The following CPAMD8 variants were observed in gnomAD, a reference collection of about 807,000 sequenced individuals.
CPAMD8 encodes the protein C3 and PZP like alpha-2-macroglobulin domain containing 8.
Under a neutral mutation model 224.7 loss-of-function variants are expected in CPAMD8, and 146 were observed. That is an observed-to-expected ratio of 0.65 (90% CI 0.57 to 0.75). CPAMD8 has a LOEUF of 0.75. Ranked by LOEUF, CPAMD8 falls within the 30% of genes least tolerant of loss-of-function variation. The pLI is 0.00. For missense variants in CPAMD8, 2,301 were observed against 2,537.5 expected (o/e 0.91, Z 2.00); for synonymous variants, 966 against 1,044.6 (o/e 0.92, Z 1.45).
rs767903481 is a variant in CPAMD8, at chr19:16,947,169, C to T, written c.2567G>A (p.Arg856His). The change falls in exon 21 of 42, where the codon CGC (arginine) becomes CAC (histidine). Residue 856 changes from arginine to histidine, a missense_variant. This residue lies in a region of CPAMD8 where 1,709 missense variants were observed against 1,753.2 expected (regional missense o/e 0.97). Coordinates refer to ENST00000443236, the MANE Select transcript of CPAMD8 (RefSeq NM_015692.5). ...GIQFVGHPGK[R>H]HVTKKMCVAP... ...CACACACATCTTCTTGGTCACATGG[C>T]GTTTGCCAGGATGCCCAACAAACTG... The T allele has an allele frequency of 1.9e-5, 30 of 1,613,782 alleles. No individual in the cohort carries two copies. The highest frequency in any genetic ancestry group is 1.6e-4 in the Middle Eastern group (1 of 6,080).
rs757842975 is a variant in CPAMD8, at chr19:16,947,162, C to G, written c.2574G>C (p.Val858=). 6.2e-7 allele frequency: 1 copy of G among 1,613,904 alleles called. No individual in the cohort carries two copies. The highest frequency in any genetic ancestry group is 8.5e-7 in the Non-Finnish European group (1 of 1,179,862). ...QFVGHPGKRH[V]TKKMCVAPGE... is the part of the protein sequence containing the mutation. ...CGGGGGCCACACACATCTTCTTGGTCACATGGCGTTTGCCAGGATGCCCAA... is the reference window on the plus strand; with the variant it reads ...CGGGGGCCACACACATCTTCTTGGTGACATGGCGTTTGCCAGGATGCCCAA... Residue 858 remains valine, a synonymous_variant, in exon 21 of 42, where the codon GTG becomes GTC. Transcript: ENST00000443236.
At chr19:16,932,706 A>G (rs936201113) in intron 23 of CPAMD8, among the ~76,000 whole-genome samples, 1 of 152,222 alleles carries the variant, frequency 6.6e-6, no homozygotes, top group Non-Finnish European at 1.5e-5. Flanking sequence ...GACACTATAA[A>G]GTAACCAAAT....
intron 29 of CPAMD8, among the ~76,000 whole-genome samples, chr19:16,912,913 C>T (rs2052783819): frequency 6.6e-6 from 1 of 152,134 alleles, no homozygotes; most frequent in South Asian, 2.1e-4. Flanking sequence ...CTCAGTGGAA[C>T]ACAGGAAACT....
At chr19:17,025,675 C>A (rs1299563353) in intron 1 of CPAMD8, among the ~76,000 whole-genome samples, 2 of 152,098 alleles carry the variant, frequency 1.3e-5, no homozygotes, top group Admixed American at 1.3e-4. Flanking sequence ...GACAAAAATC[C>A]CCCCCAGGGC....
At position 16,914,436 on chromosome 19, in the gene CPAMD8, G is replaced by T; in HGVS notation, c.3849C>A (p.Gly1283=). ...CTTCTGTACTCACCTCTGAGGCTGT[G>T]CCTGTTTCCAGGAGAGCAACCACCA... ...AYVVVALLET[G]TASEEERGST... The change falls in exon 29 of 42, where the codon GGC becomes GGA. Residue 1283 remains glycine (G), a synonymous_variant. Transcript: ENST00000443236. 1 of 1,614,146 alleles carries T rather than the reference G, an allele frequency of 6.2e-7. No individual in the cohort carries two copies. Among genetic ancestry groups the T allele is most frequent in the East Asian group, 2.2e-5 (1 of 44,876 alleles).
Position 16,947,078 on chromosome 19 carries a change from G to A in CPAMD8, c.2658C>T (p.Ile886=), listed in dbSNP as rs200366435. The change falls in exon 21 of 42, where the codon ATC becomes ATT. Residue 886 remains isoleucine, a synonymous_variant. Transcript: ENST00000443236. ...LSFSDLGLNN[I]TAKALAYGDT... is the part of the protein sequence containing the mutation. ...CAAGAACTGTGGGGTCCTCACCCGT[G>A]ATGTTGTTGAGTCCCAGGTCGCTGA... 6.9e-5 allele frequency: 111 copies of A among 1,606,670 alleles called. 1 individual carries two copies. Among genetic ancestry groups the A allele is most frequent in the Middle Eastern group, 5.0e-4 (3 of 6,020 alleles).
chr19:17,022,200 G>A lies in CPAMD8; in HGVS notation c.93-19C>T, dbSNP rs200374657. 43 of 1,605,504 alleles carry A rather than the reference G, an allele frequency of 2.7e-5. No homozygotes were observed. Among genetic ancestry groups the A allele is most frequent in the African/African-American group, 9.4e-5 (7 of 74,710 alleles). On this transcript the variant is annotated intron_variant, in intron 1 of 41. Transcript: ENST00000443236. ...GTAACCCCTGCAGGAAAGGAGATCC[G>A]AGGTGAAGTTCTCACCCCAGACCCC...
chr19:16,896,119 G>C, intron 41 of CPAMD8, 57 bp downstream of exon 41: 9 of 1,591,468 alleles, frequency 5.7e-6, no homozygotes, highest in Non-Finnish European at 7.7e-6. Flanking sequence ...GTAGGGGAGG[G>C]AGGTGGGGAG....
intron 1 of CPAMD8, among the ~76,000 whole-genome samples, chr19:17,024,753 A>G (rs1046049686): frequency 6.6e-6 from 1 of 152,156 alleles, no homozygotes; most frequent in Non-Finnish European, 1.5e-5. Flanking sequence ...CTGGGCCAAC[A>G]CTGCTTCTCA....
At chr19:16,992,239 T>G (rs1454941017) in intron 12 of CPAMD8, among the ~76,000 whole-genome samples, 2 of 152,088 alleles carry the variant, frequency 1.3e-5, no homozygotes, top group Non-Finnish European at 2.9e-5. Context: ...TCTGCCTGCC[T>G]GGGCCCGCCC....
Position 16,925,312 on chromosome 19 carries a change from C to G in CPAMD8, c.3431G>C (p.Cys1144Ser). 1 of 1,614,244 alleles carries G rather than the reference C, an allele frequency of 6.2e-7. No individual in the cohort carries two copies. The highest frequency in any genetic ancestry group is 8.5e-7 in the Non-Finnish European group (1 of 1,180,030). The part of the protein sequence containing the change: ...LNNLLRLPFG[C>S]GEQNMIHFAP... ...AAAGTGGATCATGTTCTGCTCTCCACAGCCAAACGGCAGCCGCAGGAGGTT... is the reference window on the plus strand; with the variant it reads ...AAAGTGGATCATGTTCTGCTCTCCAGAGCCAAACGGCAGCCGCAGGAGGTT... Residue 1144 changes from cysteine to serine, a missense_variant, in exon 26 of 42, where the codon TGT becomes TCT. By Grantham distance (112) the Cys-to-Ser change is moderately radical (BLOSUM62 -1). Transcript: ENST00000443236.
intron 27 of CPAMD8, 118 bp from the exon 28 acceptor site, chr19:16,914,931 G>T (rs1599689453): frequency 1.4e-6 from 1 of 704,608 alleles, no homozygotes; most frequent in East Asian, 2.7e-5. Context: ...TCATCTATAA[G>T]ATGGGAGGGG....
At chr19:16,933,009 G>A (rs1422286545) in intron 23 of CPAMD8, among the ~76,000 whole-genome samples, 1 of 152,132 alleles carries the variant, frequency 6.6e-6, no homozygotes, top group African/African-American at 2.4e-5. Flanking sequence ...AGAGGGCTTG[G>A]CACAGTGGCT....
rs754046370 is a variant in CPAMD8, at chr19:16,971,026, C to T, written c.2078G>A (p.Gly693Glu). 5.6e-6 allele frequency: 9 copies of T among 1,602,028 alleles called. No individual in the cohort carries two copies. In the South Asian group the frequency reaches 1.0e-4, roughly 18 times the overall value. The change falls in exon 18 of 42, where the codon GGA (glycine) becomes GAA (glutamate). Residue 693 changes from glycine to glutamate, a missense_variant. By Grantham distance (98) the Gly-to-Glu change is moderately conservative. Coordinates refer to ENST00000443236, the MANE Select transcript of CPAMD8 (RefSeq NM_015692.5). Reference sequence around the variant, plus strand: ...CACTCGGTCGGTCATCACCACCAGTCCCGTTTCCTAGGCAACAGACAACAC... The same window carrying T: ...CACTCGGTCGGTCATCACCACCAGTTCCGTTTCCTAGGCAACAGACAACAC... ...KDSGFAFTET[G>E]LVVMTDRVSL... is the part of the protein sequence containing the mutation.
intron 22 of CPAMD8, among the ~76,000 whole-genome samples, chr19:16,945,043 C>T (rs192481300): frequency 1.8e-4 from 27 of 152,290 alleles, no homozygotes; most frequent in South Asian, 1.2e-3. Flanking sequence ...GTGAGCCCCT[C>T]GTCTTACAGA....
At position 16,914,467 on chromosome 19, in the gene CPAMD8, G is replaced by A; in HGVS notation, c.3818C>T (p.Ala1273Val). ...TTCCAGGAGAGCAACCACCACGTAG[G>A]CTGTCAGCGGGACAGTGCCGTGGAT... The part of the protein sequence containing the change: ...GGIHGTVPLT[A>V]YVVVALLETG... The change falls in exon 29 of 42, where the codon GCC (alanine) becomes GTC (valine). Residue 1273 changes from alanine (A) to valine (V), a missense_variant. Transcript: ENST00000443236. 6.2e-7 allele frequency: 1 copy of A among 1,614,172 alleles called. No individual in the cohort carries two copies. The highest frequency in any genetic ancestry group is 1.1e-5 in the South Asian group (1 of 91,092).
chr19:16,949,290 G>A (rs995968655), intron 20 of CPAMD8, among the ~76,000 whole-genome samples: 16 of 152,102 alleles, frequency 1.1e-4, no homozygotes, highest in African/African-American at 3.4e-4. Context: ...ACCAGCATGC[G>A]CTCAGAGCCA....
At chr19:16,894,868 A>G (rs1172280661) in intron 41 of CPAMD8, 1 of 227,902 alleles carries the variant, frequency 4.4e-6, no homozygotes, top group African/African-American at 2.2e-5. Context: ...GATCATGTCT[A>G]TGAACAGCCA....
intron 13 of CPAMD8, among the ~76,000 whole-genome samples, chr19:16,989,148 T>C (rs1383970136): frequency 6.6e-6 from 1 of 152,142 alleles, no homozygotes; most frequent in East Asian, 1.9e-4. Context: ...ATAATAGAAA[T>C]GAAGTGCAAA....
Sources: allele counts gnomAD v4.1 joint callset (sites outside exome capture counted in the v4.1 genomes callset), GRCh38; gene constraint gnomAD v4.1.1; regional missense constraint gnomAD v4.1.1; transcripts MANE v1.5; gene names NCBI Gene and HGNC (gene_info 2026-07-23, HGNC 2026-07-21).